MBOAT1: variants seen among roughly 807,000 people sequenced by gnomAD.
MBOAT1 encodes the protein membrane bound glycerophospholipid O-acyltransferase 1.
In MBOAT1, 67 loss-of-function variants were observed where a neutral mutation model predicts 64.4. The observed-to-expected ratio is 1.04, with a 90% CI of 0.85 to 1.27. The LOEUF (loss-of-function observed/expected upper bound fraction) is 1.27. Ranked by LOEUF, MBOAT1 falls within the 50% of genes most tolerant of loss-of-function variation. MBOAT1 has a pLI of 0.00. For missense variants in MBOAT1, 563 were observed against 604.6 expected, an observed-to-expected ratio of 0.93 and a Z score of 0.72; for synonymous variants, 229 against 218.9, an observed-to-expected ratio of 1.05 and a Z score of -0.41.
chr6:20,187,917 A>C (rs1762700147), intron 1 of MBOAT1, among the ~76,000 whole-genome samples: 1 of 152,148 alleles, frequency 6.6e-6, no homozygotes, highest in Non-Finnish European at 1.5e-5. Flanking sequence ...GCTTGACCCC[A>C]GGAGGTCAAG....
intron 12 of MBOAT1, among the ~76,000 whole-genome samples, chr6:20,108,916 G>T (rs1760037666): frequency 6.6e-6 from 1 of 152,352 alleles, no homozygotes; most frequent in African/African-American, 2.4e-5. Context: ...CACACAATCA[G>T]TTCACAAGAG....
intron 9 of MBOAT1, among the ~76,000 whole-genome samples, chr6:20,116,858 C>T (rs997974682): frequency 2.6e-5 from 4 of 152,038 alleles, no homozygotes; most frequent in African/African-American, 9.7e-5. Context: ...AGTAGGCAGC[C>T]GAAGGTCAAG....
chr6:20,161,099 C>G (rs1484229214), intron 1 of MBOAT1, among the ~76,000 whole-genome samples: 1 of 152,122 alleles, frequency 6.6e-6, no homozygotes, highest in Admixed American at 6.6e-5. Context: ...TACAGTCACT[C>G]CTCATCGCTT....
chr6:20,111,386 T>A (rs907407742), intron 11 of MBOAT1, among the ~76,000 whole-genome samples: 3 of 152,136 alleles, frequency 2.0e-5, no homozygotes, highest in African/African-American at 7.2e-5. Context: ...TTTTACTGGG[T>A]CATTTCTAGG....
chr6:20,171,395 A>C (rs1762190621), intron 1 of MBOAT1, among the ~76,000 whole-genome samples: 1 of 150,994 alleles, frequency 6.6e-6, no homozygotes, highest in African/African-American at 2.4e-5. Context: ...AAAAAAAAAA[A>C]AAAAAAAACT....
intron 1 of MBOAT1, among the ~76,000 whole-genome samples, chr6:20,179,437 C>T (rs557427101): frequency 3.3e-5 from 5 of 152,170 alleles, no homozygotes; most frequent in Admixed American, 6.5e-5. Context: ...ATTAGTTTGC[C>T]GAGGATAATG....
chr6:20,147,047 T>G (rs2113685206), intron 3 of MBOAT1, among the ~76,000 whole-genome samples: 1 of 152,244 alleles, frequency 6.6e-6, no homozygotes, highest in Admixed American at 6.5e-5. Flanking sequence ...TCCCACAAGA[T>G]CTGATGGTTT....
chr6:20,179,792 T>A (rs1470107750), intron 1 of MBOAT1, among the ~76,000 whole-genome samples: 10 of 152,230 alleles, frequency 6.6e-5, no homozygotes, highest in Admixed American at 6.5e-4. Flanking sequence ...GTAAAAGTGC[T>A]CCTTTTTCTC....
At chr6:20,176,725 A>ACCTCCTGGGTT (rs1008185405) in intron 1 of MBOAT1, among the ~76,000 whole-genome samples, 2 of 152,046 alleles carry the variant, frequency 1.3e-5, no homozygotes, top group Non-Finnish European at 2.9e-5. Context: ...CTGGGTTCAA[A>ACCTCCTGGGTT]CAATTCTCAT....
chr6:20,132,539 CA>C (rs1172202085), intron 4 of MBOAT1, among the ~76,000 whole-genome samples: 1 of 152,050 alleles, frequency 6.6e-6, no homozygotes, highest in Non-Finnish European at 1.5e-5. Flanking sequence ...GGTATTGGGA[CA>C]ATGAGATGTA....
chr6:20,124,390 C>A lies in MBOAT1; in HGVS notation c.907+18G>T. The A allele has an allele frequency of 6.2e-7, 1 of 1,608,660 alleles. No individual in the cohort carries two copies. The highest frequency in any genetic ancestry group is 1.7e-5 in the Admixed American group (1 of 59,568). ...GCATTTTTCCCTCATTCAGTTACAGCTACTCCATCAAACTTACCTAATGTC... is the reference window on the plus strand; with the variant it reads ...GCATTTTTCCCTCATTCAGTTACAGATACTCCATCAAACTTACCTAATGTC... On this transcript the variant is annotated intron_variant, in intron 8 of 12. Coordinates refer to ENST00000324607, the MANE Select transcript of MBOAT1 (RefSeq NM_001080480.3).
At chr6:20,193,044 C>T (rs1186582908) in intron 1 of MBOAT1, among the ~76,000 whole-genome samples, 2 of 104,952 alleles carry the variant, frequency 1.9e-5, no homozygotes, top group Non-Finnish European at 3.5e-5. Context: ...CTCGCTCTGT[C>T]GCCCAGGCTG....
chr6:20,150,874 G>A (rs2113691910), intron 3 of MBOAT1, among the ~76,000 whole-genome samples: 1 of 151,878 alleles, frequency 6.6e-6, no homozygotes, highest in South Asian at 2.1e-4. Context: ...GAGCCACCAC[G>A]CCCAGCCTTT....
Position 20,109,901 on chromosome 6 carries a change from A to ATTTTT in MBOAT1, c.1210-153_1210-152insAAAAA, listed in dbSNP as rs756853889. The ATTTTT allele has an allele frequency of 2.7e-4, 81 of 299,912 alleles. 4 individuals carry two copies. Among genetic ancestry groups the ATTTTT allele is most frequent in the South Asian group, 4.5e-4 (6 of 13,338 alleles). The allele number at this position is 299,912 out of a possible 1,614,324, so 18.6% of individuals were successfully genotyped here. A position where few individuals can be genotyped will look rare whatever the true frequency, so the allele number is the denominator to read the frequency against. ...ATTTTCGACTACAAATACCATCAGG[A>ATTTTT]CTTTTTTTTTTTTTTTTTTTTTTTT... is the stretch of plus-strand genomic sequence containing the variant. On this transcript the variant is annotated intron_variant, in intron 11 of 12. Coordinates refer to ENST00000324607, the MANE Select transcript of MBOAT1 (RefSeq NM_001080480.3).
chr6:20,120,572 G>A (rs1274336589), intron 8 of MBOAT1, among the ~76,000 whole-genome samples: 1 of 152,116 alleles, frequency 6.6e-6, no homozygotes, highest in African/African-American at 2.4e-5. Context: ...AGGAGGCTGA[G>A]GCAGGAGAAT....
rs757251420 is a variant in MBOAT1, at chr6:20,168,775, GGGGAA to G, written c.100-16011_100-16007del. On this transcript the variant is annotated intron_variant, in intron 1 of 12. Transcript: ENST00000324607. ...GAAGGAAGGGAGGGAGGGGAGAGGA[GGGGAA>G]GGGAAGGGAAGGGAAAAGGGGGGAG... 2.2e-3 allele frequency among the ~76,000 whole-genome samples: 206 copies of G among 94,290 alleles called. 2 individuals carry two copies. The highest frequency in any genetic ancestry group is 7.6e-3 in the African/African-American group (190 of 24,918). 61.9% of individuals were successfully genotyped at this position (94,290 alleles called of 152,430 possible).
At chr6:20,154,457 C>T (rs62397911) in intron 1 of MBOAT1, among the ~76,000 whole-genome samples, 34,362 of 151,922 alleles carry the variant, frequency 0.23, 4,496 homozygotes, top group East Asian at 0.44. Context: ...CGCTTGAACT[C>T]GGGAGGCAGA....
chr6:20,102,305 T>C lies in MBOAT1; in HGVS notation c.1469A>G (p.Asn490Ser), dbSNP rs779903802. Residue 490 changes from asparagine (N) to serine (S), a missense_variant, in exon 13 of 13, where the codon AAT becomes AGT. Transcript: ENST00000324607. ...QRRPQTLNSINKRKTD is the reference protein window; with the variant it reads ...QRRPQTLNSISKRKTD ...GAGGTATCAATCTGTTTTTCTCTTA[T>C]TAATAGAGTTCAGAGTCTGAGGCCG... 39 of 1,613,784 alleles carry C rather than the reference T, an allele frequency of 2.4e-5. No individual in the cohort carries two copies. The highest frequency in any genetic ancestry group is 3.3e-5 in the Non-Finnish European group (39 of 1,179,922).
chr6:20,155,674 G>T (rs757827402), intron 1 of MBOAT1, among the ~76,000 whole-genome samples: 5 of 152,124 alleles, frequency 3.3e-5, no homozygotes, highest in Non-Finnish European at 7.3e-5. Context: ...CTAATTCAGA[G>T]GGAATAGTTA....
Sources: gnomAD v4.1 joint callset for allele counts (sites outside exome capture counted in the v4.1 genomes callset) on GRCh38, gnomAD v4.1.1 for gene constraint, MANE v1.5 for transcripts, NCBI Gene and HGNC (gene_info 2026-07-23, HGNC 2026-07-21) for gene names.